The following HMGCLL1 variants were observed in gnomAD, a reference collection of about 807,000 sequenced individuals.
HMGCLL1 encodes 3-hydroxy-3-methylglutaryl-CoA lyase like 1.
HMGCLL1 carries 36 observed loss-of-function variants against 39.1 expected under a neutral mutation model. The ratio of observed to expected loss-of-function variants is 0.92; its 90% CI spans 0.71 to 1.22. HMGCLL1 has a LOEUF of 1.22. Ranked by LOEUF, HMGCLL1 falls within the 50% of genes most tolerant of loss-of-function variation. HMGCLL1 has a pLI of 0.00. For missense variants in HMGCLL1, 451 were observed against 416.5 expected (o/e 1.08, Z -0.72); for synonymous variants, 149 against 144.0 (o/e 1.03, Z -0.25).
chr6:55,655,950 A>G, the HMGCLL1 span, among the ~76,000 whole-genome samples: 1 of 151,888 alleles, frequency 6.6e-6, no homozygotes, highest in Admixed American at 6.6e-5. Flanking sequence ...TGCTGAGTTC[A>G]TTTCTAGAGA....
chr6:55,652,042 A>G, the HMGCLL1 span, among the ~76,000 whole-genome samples: 2 of 151,990 alleles, frequency 1.3e-5, no homozygotes, highest in Non-Finnish European at 2.9e-5. Context: ...TATGAAGTTA[A>G]AACCACGTAC....
intron 1 of HMGCLL1, among the ~76,000 whole-genome samples, chr6:55,543,733 G>T (rs1368118987): frequency 1.3e-5 from 2 of 150,936 alleles, no homozygotes; most frequent in Admixed American, 6.7e-5. Flanking sequence ...CGTGATGGGG[G>T]TGGTGTATCC....
chr6:55,475,245 T>G (rs184683743), intron 7 of HMGCLL1, among the ~76,000 whole-genome samples: 1 of 151,730 alleles, frequency 6.6e-6, no homozygotes, highest in East Asian at 1.9e-4. Context: ...TTTCAAGTGA[T>G]TATTCTTTTC....
At chr6:55,525,444 A>C (rs1768270048) in intron 3 of HMGCLL1, among the ~76,000 whole-genome samples, 2 of 152,016 alleles carry the variant, frequency 1.3e-5, no homozygotes, top group African/African-American at 4.8e-5. Flanking sequence ...CGTATATGAA[A>C]GGATAGCATG....
intron 5 of HMGCLL1, among the ~76,000 whole-genome samples, chr6:55,499,634 A>ATT (rs1224441527): frequency 2.0e-5 from 3 of 152,100 alleles, no homozygotes; most frequent in Non-Finnish European, 2.9e-5. Flanking sequence ...TATTAAAATA[A>ATT]TTACATACAC....
chr6:55,638,057 T>C, the HMGCLL1 span, among the ~76,000 whole-genome samples: 3 of 151,984 alleles, frequency 2.0e-5, no homozygotes, highest in Non-Finnish European at 4.4e-5. Context: ...TAAAATTAAG[T>C]CTCCATTGCA....
At chr6:55,594,983 T>G in the HMGCLL1 span, among the ~76,000 whole-genome samples, 1 of 152,218 alleles carries the variant, frequency 6.6e-6, no homozygotes, top group African/African-American at 2.4e-5. Flanking sequence ...TACAACTGTT[T>G]TTTGGCTTTT....
At chr6:55,630,586 C>T in the HMGCLL1 span, among the ~76,000 whole-genome samples, 1 of 152,004 alleles carries the variant, frequency 6.6e-6, no homozygotes, top group Non-Finnish European at 1.5e-5. Context: ...TATAATTTGG[C>T]TCTGTCCCCA....
At chr6:55,673,448 A>T in the HMGCLL1 span, among the ~76,000 whole-genome samples, 7 of 152,058 alleles carry the variant, frequency 4.6e-5, no homozygotes, top group Admixed American at 4.6e-4. Flanking sequence ...TATTTACATA[A>T]AGATAACTGA....
chr6:55,540,914 A>G (rs1769398849), intron 3 of HMGCLL1, among the ~76,000 whole-genome samples: 1 of 152,162 alleles, frequency 6.6e-6, no homozygotes, highest in African/African-American at 2.4e-5. Context: ...GGAACCTTAA[A>G]CTAAGAGGTC....
chr6:55,592,045 T>A, the HMGCLL1 span, among the ~76,000 whole-genome samples: 3 of 151,936 alleles, frequency 2.0e-5, no homozygotes, highest in African/African-American at 7.2e-5. Context: ...TTTGGAAAAC[T>A]TTTTTGCTCA....
At chr6:55,572,430 T>C (rs1465377885) in intron 1 of HMGCLL1, among the ~76,000 whole-genome samples, 1 of 152,074 alleles carries the variant, frequency 6.6e-6, no homozygotes, top group Non-Finnish European at 1.5e-5. Flanking sequence ...AGGGAGTAAA[T>C]AGTACATTGT....
At chr6:55,456,801 C>T (rs1392350295) in intron 7 of HMGCLL1, among the ~76,000 whole-genome samples, 1 of 152,184 alleles carries the variant, frequency 6.6e-6, no homozygotes, top group Non-Finnish European at 1.5e-5. Context: ...GTCCATCCAG[C>T]CTATAGGGCT....
chr6:55,456,826 C>T (rs538145512), intron 7 of HMGCLL1, among the ~76,000 whole-genome samples: 136 of 152,266 alleles, frequency 8.9e-4, no homozygotes, highest in African/African-American at 2.7e-3. Flanking sequence ...GCTATTGCAA[C>T]GGTGGGTTCC....
intron 1 of HMGCLL1, among the ~76,000 whole-genome samples, chr6:55,545,624 T>G (rs1214316689): frequency 6.6e-6 from 1 of 152,060 alleles, no homozygotes; most frequent in Non-Finnish European, 1.5e-5. Context: ...CAATTATATA[T>G]AAGTGTAAGA....
chr6:55,445,658 A>G (rs4712103), intron 7 of HMGCLL1, among the ~76,000 whole-genome samples: 3 of 74,782 alleles, frequency 4.0e-5, no homozygotes, highest in African/African-American at 7.2e-5. Flanking sequence ...GTGTGCATGC[A>G]TGTGTGTGTG....
intron 7 of HMGCLL1, among the ~76,000 whole-genome samples, chr6:55,464,835 A>T (rs1764731581): frequency 6.6e-6 from 1 of 152,228 alleles, no homozygotes; most frequent in East Asian, 1.9e-4. Flanking sequence ...AAGTCTTTCA[A>T]CCTGATAAGG....
chr6:55,510,785 G>C lies in HMGCLL1; in HGVS notation c.542+3263C>G, dbSNP rs377739380. On this transcript the variant is annotated intron_variant, in intron 5 of 8. Coordinates refer to ENST00000274901, the MANE Select transcript of HMGCLL1 (RefSeq NM_001042406.2). ...GTGCACATATACCCTAAAACTTAAA[G>C]TATAATAATAATAATAAATATATAT... 3.3e-4 allele frequency among the ~76,000 whole-genome samples: 49 copies of C among 149,922 alleles called. No individual in the cohort carries two copies. In the East Asian group the frequency reaches 7.3e-3, roughly 22 times the overall value.
At chr6:55,460,540 A>C (rs1167587723) in intron 7 of HMGCLL1, among the ~76,000 whole-genome samples, 2 of 151,894 alleles carry the variant, frequency 1.3e-5, no homozygotes, top group African/African-American at 4.8e-5. Flanking sequence ...GTTTTTCAAG[A>C]CCAAAAAAGC....
Sources: gnomAD v4.1 joint callset for allele counts (sites outside exome capture counted in the v4.1 genomes callset) on GRCh38, gnomAD v4.1.1 for gene constraint, MANE v1.5 for transcripts, NCBI Gene and HGNC (gene_info 2026-07-23, HGNC 2026-07-21) for gene names.